ZFHX3: variants seen among roughly 807,000 people sequenced by gnomAD.
The protein encoded by ZFHX3 is zinc finger homeobox protein 3.
Under a neutral mutation model 279.1 loss-of-function variants are expected in ZFHX3, and 42 were observed. The observed-to-expected ratio is 0.15, with a 90% CI of 0.12 to 0.19. The LOEUF (loss-of-function observed/expected upper bound fraction) is 0.19, where lower values mean the gene tolerates loss of function less well. Among genes scored for constraint, ZFHX3 ranks in the 10% least tolerant of loss-of-function variants. ZFHX3 has a pLI of 1.00. For missense variants in ZFHX3, 4,981 were observed against 4,754.0 expected (o/e 1.05, Z -1.40); for synonymous variants, 2,293 against 1,957.8 (o/e 1.17, Z -4.52).
intron 3 of ZFHX3, among the ~76,000 whole-genome samples, chr16:73,407,598 C>T (rs2017386807): frequency 1.3e-5 from 2 of 152,306 alleles, no homozygotes; most frequent in African/African-American, 2.4e-5. Flanking sequence ...CTGAGCTTTC[C>T]ACCTTTAGTC....
intron 5 of ZFHX3, among the ~76,000 whole-genome samples, chr16:73,207,845 C>T (rs2068260954): frequency 6.6e-6 from 1 of 152,166 alleles, no homozygotes; most frequent in Admixed American, 6.5e-5. Flanking sequence ...AATAGCCACT[C>T]TAACATGGCA....
chr16:73,106,952 A>C (rs1312741583), intron 7 of ZFHX3, among the ~76,000 whole-genome samples: 1 of 152,224 alleles, frequency 6.6e-6, no homozygotes, highest in Non-Finnish European at 1.5e-5. Flanking sequence ...CTAACAGTCC[A>C]TCTAACCGGT....
rs765545307 is a variant in ZFHX3 at position 72,793,425 on chromosome 16, T to C, written c.9257A>G (p.Lys3086Arg). Residue 3086 changes from lysine to arginine, a missense_variant, in exon 9 of 10, where the codon AAG becomes AGG. Physicochemically the swap from Lys to Arg is conservative, Grantham distance 26. This residue lies in a region of ZFHX3 where 168 missense variants were observed against 249.1 expected (regional missense o/e 0.67). Transcript: ENST00000268489. The surrounding 1 kb of genome is among the most constrained non-coding windows in gnomAD (Gnocchi z 4.3). ...TGCCAGTCCAAGGACCTCGTTGGCC[T>C]TTTTAATCCGGTCCAACTCTTGTTG... ...MAQQELDRIK[K>R]ANEVLGLAAQ... 2.5e-6 allele frequency: 4 copies of C among 1,614,222 alleles called. No homozygotes were observed. Among genetic ancestry groups the C allele is most frequent in the Non-Finnish European group, 3.4e-6 (4 of 1,180,042 alleles).
At chr16:73,631,714 G>A (rs2052470703) in intron 2 of ZFHX3, among the ~76,000 whole-genome samples, 1 of 152,108 alleles carries the variant, frequency 6.6e-6, no homozygotes, top group South Asian at 2.1e-4. Flanking sequence ...AGACCAGCCT[G>A]GGCAAAATGG....
chr16:72,906,949 C>G (rs1051287487), intron 3 of ZFHX3, among the ~76,000 whole-genome samples: 2 of 152,206 alleles, frequency 1.3e-5, no homozygotes, highest in Admixed American at 1.3e-4. Flanking sequence ...CAGGACACAT[C>G]ACGCATGCTA....
At chr16:73,751,194 G>A (rs886779508) in intron 1 of ZFHX3, among the ~76,000 whole-genome samples, 2 of 152,220 alleles carry the variant, frequency 1.3e-5, no homozygotes, top group African/African-American at 4.8e-5. Context: ...ACTGCAAGAA[G>A]TCCTTGAATC....
At chr16:73,328,053 C>T (rs964080512) in intron 3 of ZFHX3, among the ~76,000 whole-genome samples, 23 of 152,240 alleles carry the variant, frequency 1.5e-4, no homozygotes, top group African/African-American at 3.1e-4. Flanking sequence ...TTTTCCTATG[C>T]TTTTTAAATT....
chr16:72,918,880 T>C (rs778602747), intron 3 of ZFHX3, among the ~76,000 whole-genome samples: 48 of 151,970 alleles, frequency 3.2e-4, no homozygotes, highest in Non-Finnish European at 5.0e-4. Flanking sequence ...GTATTTTTAG[T>C]AGAAATGGGG....
intron 4 of ZFHX3, among the ~76,000 whole-genome samples, chr16:72,838,394 C>T (rs922238846): frequency 1.3e-5 from 2 of 152,162 alleles, no homozygotes; most frequent in Non-Finnish European, 2.9e-5. Flanking sequence ...TGGCCCAGCT[C>T]AACAAGAATG....
intron 8 of ZFHX3, among the ~76,000 whole-genome samples, chr16:73,070,781 T>C (rs1349838543): frequency 6.6e-6 from 1 of 150,704 alleles, no homozygotes; most frequent in Non-Finnish European, 1.5e-5. Flanking sequence ...CCGGTATCCA[T>C]CCTCTCTGCC....
intron 1 of ZFHX3, among the ~76,000 whole-genome samples, chr16:73,783,603 A>G (rs540793589): frequency 6.6e-6 from 1 of 152,328 alleles, no homozygotes; most frequent in South Asian, 2.1e-4. Context: ...GAAATTGATG[A>G]TTGATTCATT....
intron 1 of ZFHX3, among the ~76,000 whole-genome samples, chr16:72,979,913 T>C (rs973060434): frequency 1.3e-5 from 2 of 152,150 alleles, no homozygotes; most frequent in Non-Finnish European, 2.9e-5. Context: ...AGGTACACTA[T>C]TTACAATGTC....
intron 2 of ZFHX3, among the ~76,000 whole-genome samples, chr16:73,637,466 C>T (rs755406463): frequency 4.6e-5 from 7 of 152,004 alleles, no homozygotes; most frequent in South Asian, 2.1e-4. Context: ...CTCCTGACCT[C>T]GGGTGATCCA....
chr16:73,475,205 G>A (rs1385738734), intron 2 of ZFHX3, among the ~76,000 whole-genome samples: 5 of 152,130 alleles, frequency 3.3e-5, no homozygotes, highest in African/African-American at 1.2e-4. Context: ...TCAAAATTAC[G>A]TAATTTAAAA....
chr16:73,260,882 C>G (rs925844708), intron 4 of ZFHX3, among the ~76,000 whole-genome samples: 11 of 151,974 alleles, frequency 7.2e-5, no homozygotes, highest in Non-Finnish European at 1.5e-4. Context: ...GGGGGTTTCA[C>G]CATGTTGGGC....
At chr16:73,708,565 T>G (rs116003994) in intron 1 of ZFHX3, among the ~76,000 whole-genome samples, 6 of 152,228 alleles carry the variant, frequency 3.9e-5, no homozygotes, top group African/African-American at 1.2e-4. Flanking sequence ...CCATCAGAAC[T>G]GTTATCACAT....
chr16:73,763,527 G>C (rs2053894882), intron 1 of ZFHX3, among the ~76,000 whole-genome samples: 1 of 152,234 alleles, frequency 6.6e-6, no homozygotes, highest in African/African-American at 2.4e-5. Context: ...TAATAGGGTG[G>C]AGTTAACGGT....
intron 5 of ZFHX3, among the ~76,000 whole-genome samples, chr16:72,828,305 C>T (rs1463056207): frequency 6.6e-6 from 1 of 152,206 alleles, no homozygotes; most frequent in Admixed American, 6.5e-5. Context: ...ATCATTTCCT[C>T]TTATTATTTT....
At chr16:73,672,758 AC>A (rs1476446861) in intron 2 of ZFHX3, among the ~76,000 whole-genome samples, 1 of 152,122 alleles carries the variant, frequency 6.6e-6, no homozygotes, top group East Asian at 1.9e-4. Flanking sequence ...TATACCTTAT[AC>A]TTTTATACAT....
Sources: allele counts gnomAD v4.1 joint callset (sites outside exome capture counted in the v4.1 genomes callset), GRCh38; gene constraint gnomAD v4.1.1; regional missense constraint gnomAD v4.1.1; non-coding constraint Gnocchi (gnomAD v3.1); transcripts MANE v1.5; gene names NCBI Gene and HGNC (gene_info 2026-07-23, HGNC 2026-07-21).